Variants in SPTBN1 observed in about 807,000 individuals in gnomAD.
SPTBN1 encodes the protein spectrin beta, non-erythrocytic 1, also known as spectrin beta chain, non-erythrocytic 1.
Under a neutral mutation model 266.4 loss-of-function variants are expected in SPTBN1, and 32 were observed. The observed-to-expected ratio is 0.12, with a 90% CI of 0.09 to 0.16. SPTBN1 has a LOEUF of 0.16. SPTBN1 is among the 10% of genes least tolerant of loss of function. The pLI is 1.00. For missense variants in SPTBN1, 2,296 were observed against 3,067.1 expected, an observed-to-expected ratio of 0.75 and a Z score of 5.94; for synonymous variants, 1,336 against 1,162.2, an observed-to-expected ratio of 1.15 and a Z score of -3.04.
At chr2:54,625,566 C>T (rs1367802178) in intron 11 of SPTBN1, among the ~76,000 whole-genome samples, 1 of 151,326 alleles carries the variant, frequency 6.6e-6, no homozygotes, top group Admixed American at 6.6e-5. Context: ...GGGGGGGTGG[C>T]GCGGGAAATA....
chr2:54,548,179 T>A (rs1300626479), intron 2 of SPTBN1, among the ~76,000 whole-genome samples: 1 of 152,106 alleles, frequency 6.6e-6, no homozygotes, highest in Non-Finnish European at 1.5e-5. Context: ...GATGAATAAA[T>A]CCATTTGTCA....
chr2:54,577,490 A>G (rs147474355), intron 2 of SPTBN1, among the ~76,000 whole-genome samples: 99 of 152,356 alleles, frequency 6.5e-4, no homozygotes, highest in African/African-American at 2.2e-3. Context: ...CAAAGAGAGA[A>G]GGAAAGTAGG....
chr2:54,603,392 A>G (rs557341701), intron 3 of SPTBN1, among the ~76,000 whole-genome samples: 1 of 152,128 alleles, frequency 6.6e-6, no homozygotes, highest in South Asian at 2.1e-4. Context: ...GTACTCTCCT[A>G]CTCTTTTCTC....
At position 54,659,258 on chromosome 2, in the gene SPTBN1, G is replaced by C. The variant is rs754466415; in HGVS notation, c.6348G>C (p.Gln2116His). 6 of 1,613,924 alleles carry C rather than the reference G, an allele frequency of 3.7e-6. No individual in the cohort carries two copies. The South Asian group carries it at 6.6e-5, about 18-fold the overall frequency. Residue 2116 changes from glutamine to histidine, a missense_variant, in exon 31 of 36, where the codon CAG becomes CAC. Gln to His is a conservative substitution (Grantham distance 24). This residue lies in a region of SPTBN1 where 347 missense variants were observed against 368.5 expected (regional missense o/e 0.94). Coordinates refer to ENST00000356805, the MANE Select transcript of SPTBN1 (RefSeq NM_003128.3). ...STKVSEEAES[Q>H]QQWDTSKGEQ... is the part of the protein sequence containing the mutation. The stretch of plus-strand genomic sequence containing the variant: ...AGGTTTCAGAGGAAGCCGAGTCCCA[G>C]CAGCAGTGGTGAGTCCCAGCAGCTC...
chr2:54,659,304 T>A (rs1680882453), intron 31 of SPTBN1, 38 bp downstream of exon 31: 2 of 1,602,702 alleles, frequency 1.2e-6, no homozygotes, highest in South Asian at 2.2e-5. Flanking sequence ...ACCCTTAGCC[T>A]CGGTGGCCAA....
At chr2:54,658,139 G>T in intron 30 of SPTBN1, 93 bp downstream of exon 30, 8 of 1,426,288 alleles carry the variant, frequency 5.6e-6, no homozygotes, top group South Asian at 1.3e-5. Flanking sequence ...ACGATTGCTT[G>T]TTTTTGTTTT....
chr2:54,579,757 A>T (rs1482631630), intron 2 of SPTBN1, among the ~76,000 whole-genome samples: 1 of 152,254 alleles, frequency 6.6e-6, no homozygotes, highest in Non-Finnish European at 1.5e-5. Flanking sequence ...AACCAGTTTT[A>T]GCCAATGCAT....
At position 54,626,080 on chromosome 2, in the gene SPTBN1, A is replaced by G. The variant is rs199862700; in HGVS notation, c.1490A>G (p.Lys497Arg). Residue 497 changes from lysine to arginine, a missense_variant, in exon 12 of 36, where the codon AAG (lysine) becomes AGG (arginine). Around this residue, in one of 12 missense-constraint regions of SPTBN1, gnomAD observed 434 missense variants for 573.9 expected, o/e 0.76. Coordinates refer to ENST00000356805, the MANE Select transcript of SPTBN1 (RefSeq NM_003128.3). The surrounding 1 kb of genome is among the most constrained non-coding windows in gnomAD (Gnocchi z 4.7). ...GAGGCCGAGAATTACCACGACATCA[A>G]GCGCATCACAGCGAGGAAGGACAAT... ...ELEAENYHDI[K>R]RITARKDNVI... 7.4e-5 allele frequency: 120 copies of G among 1,614,182 alleles called. No homozygotes were observed. The East Asian group carries it at 2.2e-3, about 30-fold the overall frequency.
At position 54,628,160 on chromosome 2, in the gene SPTBN1, C is replaced by T; in HGVS notation, c.1708C>T (p.His570Tyr). 1 of 1,614,086 alleles carries T rather than the reference C, an allele frequency of 6.2e-7. No homozygotes were observed. The highest frequency in any genetic ancestry group is 8.5e-7 in the Non-Finnish European group (1 of 1,179,954). ...LLGVEDLLQK[H>Y]TLVEADIGIQ... is the part of the protein sequence containing the mutation. Reference sequence around the variant, plus strand: ...TGGTGTGGAAGACCTGTTACAGAAGCACACCCTGGTTGAAGCAGACATTGG... The same window carrying T: ...TGGTGTGGAAGACCTGTTACAGAAGTACACCCTGGTTGAAGCAGACATTGG... The change falls in exon 13 of 36, where the codon CAC (histidine) becomes TAC (tyrosine). Residue 570 changes from histidine to tyrosine, a missense_variant. Transcript: ENST00000356805. This position sits in a 1 kb window ranked among gnomAD's most constrained non-coding sequence, Gnocchi z 4.3.
At chr2:54,586,246 G>T (rs1384933426) in intron 2 of SPTBN1, among the ~76,000 whole-genome samples, 1 of 152,160 alleles carries the variant, frequency 6.6e-6, no homozygotes, top group Non-Finnish European at 1.5e-5. Flanking sequence ...AATTGAGACA[G>T]TCGTATTTAA....
chr2:54,575,164 G>T (rs1021720863), intron 2 of SPTBN1, among the ~76,000 whole-genome samples: 4 of 152,084 alleles, frequency 2.6e-5, no homozygotes, highest in African/African-American at 9.7e-5. Flanking sequence ...GGTTTTTTTT[G>T]TTTTGTTTTA....
chr2:54,587,251 G>A (rs1476239612), intron 2 of SPTBN1, among the ~76,000 whole-genome samples: 1 of 152,178 alleles, frequency 6.6e-6, no homozygotes, highest in African/African-American at 2.4e-5. Flanking sequence ...GAATTTGTGT[G>A]CCACATGGTA....
rs748973950 is a variant in SPTBN1 at position 54,653,728 on chromosome 2, C to T, written c.5697C>T (p.Ala1899=). Residue 1899 remains alanine, a synonymous_variant, in exon 27 of 36, where the codon GCC becomes GCT. Transcript: ENST00000356805. The surrounding 1 kb of genome is among the most constrained non-coding windows in gnomAD (Gnocchi z 5.1). The stretch of plus-strand genomic sequence containing the variant: ...AAGCCTGGAAGTCCCTCCTGGACGC[C>T]TGTGAGAGCCGCAGGGTGCGGCTGG... The part of the protein sequence containing the change: ...VLEAWKSLLD[A]CESRRVRLVD... 6.2e-6 allele frequency: 10 copies of T among 1,614,108 alleles called. No homozygotes were observed. In the East Asian group the frequency reaches 6.7e-5, roughly 11 times the overall value.
In SPTBN1 at chr2:54,649,688, A is replaced by G. The variant is rs774060702; in HGVS notation, c.5276A>G (p.Asn1759Ser). Residue 1759 changes from asparagine (N) to serine (S), a missense_variant, in exon 26 of 36, where the codon AAT becomes AGT. Physicochemically the swap from Asn to Ser is conservative, Grantham distance 46 (BLOSUM62 1). This residue lies in a region of SPTBN1 where 644 missense variants were observed against 745.3 expected (regional missense o/e 0.86). Transcript: ENST00000356805. The surrounding 1 kb of genome is among the most constrained non-coding windows in gnomAD (Gnocchi z 6.7). ...GGGCAGGAGCGCGTGGACACGGTCA[A>G]TCACCTGGCAGATGAGCTCATCAAC... Reference protein sequence around the residue: ...NIGQERVDTVNHLADELINSG... With the variant: ...NIGQERVDTVSHLADELINSG... 18 of 1,614,164 alleles carry G rather than the reference A, an allele frequency of 1.1e-5. No individual in the cohort carries two copies. The highest frequency in any genetic ancestry group is 8.8e-5 in the South Asian group (8 of 91,074).
intron 32 of SPTBN1, chr2:54,660,810 G>A (rs1572776775): frequency 9.1e-6 from 9 of 985,248 alleles, no homozygotes; most frequent in South Asian, 4.7e-5. Context: ...GACTGCTGCC[G>A]CCACCTCTGT....
At position 54,494,028 on chromosome 2, in the gene SPTBN1, C is replaced by T. The variant is rs147409078; in HGVS notation, c.-47-32344C>T. On this transcript the variant is annotated intron_variant, in intron 1 of 35. Coordinates refer to ENST00000356805, the MANE Select transcript of SPTBN1 (RefSeq NM_003128.3). ...GTCATGCTCTTTCTCATAAATGCCA[C>T]TGTAGAGAGTACAGAGAAAAATGCA... Among the ~76,000 whole-genome samples the T allele has an allele frequency of 4.6e-5, 7 of 152,308 alleles. No homozygotes were observed. In the East Asian group the frequency reaches 9.6e-4, roughly 21 times the overall value.
At position 54,548,913 on chromosome 2, in the gene SPTBN1, G is replaced by A. The variant is rs972995410; in HGVS notation, c.148+22347G>A. 2.0e-5 allele frequency among the ~76,000 whole-genome samples: 3 copies of A among 152,120 alleles called. No individual in the cohort carries two copies. The South Asian group carries it at 6.2e-4, about 31-fold the overall frequency. ...GTGCCACCTCCCTCACAGAGTCCTT[G>A]TTTTCATCAGTGTTCAGCTTTCAAA... On this transcript the variant is annotated intron_variant, in intron 2 of 35. Transcript: ENST00000356805.
chr2:54,594,712 A>G (rs1228737044), intron 2 of SPTBN1, among the ~76,000 whole-genome samples: 1 of 152,074 alleles, frequency 6.6e-6, no homozygotes, highest in Non-Finnish European at 1.5e-5. Flanking sequence ...ATATTCTGGG[A>G]TTTTTAAATA....
At position 54,501,961 on chromosome 2, in the gene SPTBN1, A is replaced by G. The variant is rs1477099528; in HGVS notation, c.-47-24411A>G. Among the ~76,000 whole-genome samples the G allele has an allele frequency of 2.0e-5, 3 of 152,332 alleles. No individual in the cohort carries two copies. In the East Asian group the frequency reaches 5.8e-4, roughly 29 times the overall value. On this transcript the variant is annotated intron_variant, in intron 1 of 35. Coordinates refer to ENST00000356805, the MANE Select transcript of SPTBN1 (RefSeq NM_003128.3). ...TTTGTGTTGGGAGGTGATCATTAGC[A>G]TCTTCTGGAATATTTGCGCTAAAGC...
Sources: allele counts gnomAD v4.1 joint callset (sites outside exome capture counted in the v4.1 genomes callset), GRCh38; gene constraint gnomAD v4.1.1; regional missense constraint gnomAD v4.1.1; non-coding constraint Gnocchi (gnomAD v3.1); transcripts MANE v1.5; gene names NCBI Gene and HGNC (gene_info 2026-07-23, HGNC 2026-07-21).